The following GLIS3 variants were observed in gnomAD, a reference collection of about 807,000 sequenced individuals.
GLIS3 encodes GLIS family zinc finger 3.
GLIS3 carries 53 observed loss-of-function variants against 78.6 expected under a neutral mutation model. That is an observed-to-expected ratio of 0.67 (90% CI 0.54 to 0.85). The LOEUF (loss-of-function observed/expected upper bound fraction) is 0.85, where lower values mean the gene tolerates loss of function less well. Ranked by LOEUF, GLIS3 falls within the 40% of genes least tolerant of loss-of-function variation. The probability of loss-of-function intolerance (pLI) is 0.00; values close to 1 mark genes in which losing one functional copy is unlikely to be tolerated. For missense variants in GLIS3, 1,703 were observed against 1,231.1 expected (o/e 1.38, Z -5.74); for synonymous variants, 684 against 509.9 (o/e 1.34, Z -4.60).
intron 6 of GLIS3, among the ~76,000 whole-genome samples, chr9:3,927,401 C>G (rs1825327900): frequency 6.6e-6 from 1 of 152,184 alleles, no homozygotes; most frequent in South Asian, 2.1e-4. Flanking sequence ...GCTCTGAGAA[C>G]TATTGCAAGA....
intron 4 of GLIS3, among the ~76,000 whole-genome samples, chr9:4,002,446 A>T (rs1588430408): frequency 6.6e-6 from 1 of 152,238 alleles, no homozygotes; most frequent in East Asian, 1.9e-4. Context: ...CCTACTGAGT[A>T]GGCTTTACCC....
chr9:4,373,209 G>C, the GLIS3 span, among the ~76,000 whole-genome samples: 22 of 152,300 alleles, frequency 1.4e-4, no homozygotes, highest in South Asian at 4.6e-3. Context: ...GGTGTACCTA[G>C]AATGCCATTC....
chr9:3,914,562 AT>A (rs1277647086), intron 6 of GLIS3, among the ~76,000 whole-genome samples: 2 of 152,206 alleles, frequency 1.3e-5, no homozygotes, highest in Admixed American at 6.5e-5. Flanking sequence ...GGATATGTAA[AT>A]GAGCAATCCT....
chr9:3,939,408 C>T (rs1209177172), intron 4 of GLIS3, among the ~76,000 whole-genome samples: 2 of 152,142 alleles, frequency 1.3e-5, no homozygotes, highest in African/African-American at 4.8e-5. Context: ...CAAGTCTTTC[C>T]AGTTAAATGT....
intron 4 of GLIS3, among the ~76,000 whole-genome samples, chr9:3,979,966 C>T (rs1230800957): frequency 1.3e-5 from 2 of 152,020 alleles, no homozygotes; most frequent in Non-Finnish European, 2.9e-5. Flanking sequence ...CGGTAAGTAC[C>T]ATGGAAGCAG....
intron 4 of GLIS3, among the ~76,000 whole-genome samples, chr9:4,054,994 T>C (rs1826029366): frequency 6.6e-6 from 1 of 152,228 alleles, no homozygotes; most frequent in South Asian, 2.1e-4. Context: ...CTAACGTTGA[T>C]ATCTAGAGCT....
chr9:4,398,040 C>G, the GLIS3 span, among the ~76,000 whole-genome samples: 1 of 151,960 alleles, frequency 6.6e-6, no homozygotes, highest in Admixed American at 6.6e-5. Flanking sequence ...ACAAAAAGAC[C>G]TTGAGTCAAT....
At chr9:3,868,374 T>C (rs1413136138) in intron 8 of GLIS3, among the ~76,000 whole-genome samples, 2 of 152,236 alleles carry the variant, frequency 1.3e-5, no homozygotes, top group Non-Finnish European at 2.9e-5. Context: ...AAGTAATTTT[T>C]TTTTTGACAC....
rs1818900362 is a variant in GLIS3, at chr9:3,977,602, C to G, written c.1711-40413G>C. 1.3e-5 allele frequency among the ~76,000 whole-genome samples: 2 copies of G among 152,182 alleles called. No individual in the cohort carries two copies. On this transcript the variant is annotated intron_variant, in intron 4 of 10. Coordinates refer to ENST00000381971, the MANE Select transcript of GLIS3 (RefSeq NM_001042413.2). The surrounding 1 kb of genome is among the most constrained non-coding windows in gnomAD (Gnocchi z 4.1). ...GAGCTGGGTTTCAGATTTTCAATAA[C>G]AAATCTGTCACTCCGATTTTAATTA...
At chr9:4,119,025 G>A (rs1831981513) in intron 3 of GLIS3, 144 bp from the exon 4 acceptor site, 2 of 890,816 alleles carry the variant, frequency 2.2e-6, no homozygotes, top group East Asian at 5.3e-5. Flanking sequence ...CACATTCTTG[G>A]GCTAAGATAA....
the GLIS3 span, among the ~76,000 whole-genome samples, chr9:4,436,226 T>A: frequency 6.6e-6 from 1 of 152,256 alleles, no homozygotes; most frequent in Non-Finnish European, 1.5e-5. Flanking sequence ...TATAGGGAAA[T>A]GTTTAATACA....
the GLIS3 span, among the ~76,000 whole-genome samples, chr9:4,402,098 C>G: frequency 1.3e-5 from 2 of 152,156 alleles, no homozygotes; most frequent in Non-Finnish European, 2.9e-5. Flanking sequence ...GGGCAAGACC[C>G]AGTACTATGT....
the GLIS3 span, among the ~76,000 whole-genome samples, chr9:4,475,633 G>A: frequency 3.3e-5 from 5 of 152,068 alleles, no homozygotes; most frequent in South Asian, 1.0e-3. Flanking sequence ...AAAGAATGAG[G>A]AAGATTTCAG....
intron 4 of GLIS3, among the ~76,000 whole-genome samples, chr9:4,050,113 T>A (rs7047871): frequency 0.3 from 45,860 of 151,516 alleles, 7,990 homozygotes; most frequent in East Asian, 0.67. Context: ...TAACCAAAGG[T>A]TTATAAATCA....
At position 3,898,802 on chromosome 9, in the gene GLIS3, G is replaced by A. The variant is rs754814654; in HGVS notation, c.2017C>T (p.Leu673Phe). The A allele has an allele frequency of 1.2e-6, 2 of 1,614,174 alleles. No homozygotes were observed. Among genetic ancestry groups the A allele is most frequent in the Non-Finnish European group, 1.7e-6 (2 of 1,180,028 alleles). ...GACTGCACGGTGAGGCAATCTGTGA[G>A]CAGGTCTGGATGGAGCTCTGTGCTG... ...RSSTELHPDL[L>F]TDCLTVQSLQ... The change falls in exon 7 of 11, where the codon CTC (leucine) becomes TTC (phenylalanine). Residue 673 changes from leucine to phenylalanine, a missense_variant. Coordinates refer to ENST00000381971, the MANE Select transcript of GLIS3 (RefSeq NM_001042413.2).
chr9:4,191,045 G>A (rs1433221508), intron 2 of GLIS3, among the ~76,000 whole-genome samples: 4 of 151,808 alleles, frequency 2.6e-5, no homozygotes, highest in Admixed American at 2.6e-4. Flanking sequence ...GCTAAACATG[G>A]AAAGGAACAA....
intron 6 of GLIS3, among the ~76,000 whole-genome samples, chr9:3,931,338 A>T (rs1825599169): frequency 6.6e-6 from 1 of 152,160 alleles, no homozygotes; most frequent in East Asian, 1.9e-4. Context: ...CCAACATAAA[A>T]GTGTTAAATC....
chr9:3,934,222 C>G (rs1825769642), intron 5 of GLIS3, among the ~76,000 whole-genome samples: 1 of 152,174 alleles, frequency 6.6e-6, no homozygotes, highest in South Asian at 2.1e-4. Flanking sequence ...CTACCCTGCC[C>G]TGGTTTCAGG....
the GLIS3 span, among the ~76,000 whole-genome samples, chr9:4,465,562 A>C: frequency 6.6e-6 from 1 of 152,210 alleles, no homozygotes; most frequent in East Asian, 1.9e-4. Flanking sequence ...AAAATATAAA[A>C]AAGAAAAGAT....
Sources: allele counts gnomAD v4.1 joint callset (sites outside exome capture counted in the v4.1 genomes callset), GRCh38; gene constraint gnomAD v4.1.1; non-coding constraint Gnocchi (gnomAD v3.1); transcripts MANE v1.5; gene names NCBI Gene and HGNC (gene_info 2026-07-23, HGNC 2026-07-21).